Variants in ATF7IP2 observed in about 807,000 individuals in gnomAD.
ATF7IP2 encodes the protein activating transcription factor 7 interacting protein 2.
Under a neutral mutation model 64.2 loss-of-function variants are expected in ATF7IP2, and 42 were observed. That is an observed-to-expected ratio of 0.65 (90% CI 0.51 to 0.85). The LOEUF (loss-of-function observed/expected upper bound fraction) is 0.85, where lower values mean the gene tolerates loss of function less well. Ranked by LOEUF, ATF7IP2 falls within the 40% of genes least tolerant of loss-of-function variation. ATF7IP2 has a pLI of 0.00. For missense variants in ATF7IP2, 933 were observed against 784.2 expected, an observed-to-expected ratio of 1.19 and a Z score of -2.27; for synonymous variants, 308 against 272.8, an observed-to-expected ratio of 1.13 and a Z score of -1.27.
chr16:10,442,317 C>T lies in ATF7IP2; in HGVS notation c.1194+1855C>T, dbSNP rs576064218. Among the ~76,000 whole-genome samples, 3 of 152,328 alleles carry T rather than the reference C, an allele frequency of 2.0e-5. No homozygotes were observed. In the South Asian group the frequency reaches 6.2e-4, roughly 32 times the overall value. The stretch of plus-strand genomic sequence containing the variant: ...TCTTGAATTTATACACTTTATTCTT[C>T]AAACTTATCTAACATGTCTTGACTT... On this transcript the variant is annotated intron_variant, in intron 8 of 13. Transcript: ENST00000562102.
At chr16:10,396,148 A>G (rs2047415245) in intron 1 of ATF7IP2, among the ~76,000 whole-genome samples, 1 of 152,200 alleles carries the variant, frequency 6.6e-6, no homozygotes, top group Non-Finnish European at 1.5e-5. Flanking sequence ...TGAGGAAAGC[A>G]TATATAATAG....
In ATF7IP2 at chr16:10,475,420, G is replaced by A. The variant is rs555971356; in HGVS notation, c.1549+1431G>A. 5.4e-4 allele frequency among the ~76,000 whole-genome samples: 82 copies of A among 152,194 alleles called. No homozygotes were observed. The South Asian group carries it at 5.6e-3, about 10-fold the overall frequency. Reference sequence around the variant, plus strand: ...TAAAATATCCAAACTGGCTGGGCGCGGTGGCTCACGCCTGTAATCCCAGCA... The same window carrying A: ...TAAAATATCCAAACTGGCTGGGCGCAGTGGCTCACGCCTGTAATCCCAGCA... On this transcript the variant is annotated intron_variant, in intron 12 of 13. Coordinates refer to ENST00000562102, the MANE Select transcript of ATF7IP2 (RefSeq NM_001393719.1).
At chr16:10,437,165 T>G (rs2048448900) in intron 6 of ATF7IP2, among the ~76,000 whole-genome samples, 4 of 152,058 alleles carry the variant, frequency 2.6e-5, no homozygotes, top group Non-Finnish European at 5.9e-5. Flanking sequence ...GAGACTATGT[T>G]GCCTGCCACC....
At position 10,434,787 on chromosome 16, in the gene ATF7IP2, GAAGT is replaced by G. The variant is rs932717813; in HGVS notation, c.960+1143_960+1146del. Among the ~76,000 whole-genome samples, 43 of 151,818 alleles carry G rather than the reference GAAGT, an allele frequency of 2.8e-4. 3 individuals are homozygous for G. ...TTCCAGTAATTAGTAGCTGAAGTGA[GAAGT>G]AAGTTTTTGTTTGTTTGTTTGTTTG... On this transcript the variant is annotated intron_variant, in intron 6 of 13. Transcript: ENST00000562102.
chr16:10,402,901 C>A (rs1241789308), intron 1 of ATF7IP2, among the ~76,000 whole-genome samples: 7 of 80,040 alleles, frequency 8.7e-5, no homozygotes, highest in African/African-American at 5.3e-4. Flanking sequence ...CAGCGAGACC[C>A]TTTCTCAAAA....
intron 8 of ATF7IP2, 168 bp from the exon 9 acceptor site, chr16:10,457,204 C>A (rs2049198979): frequency 3.6e-6 from 2 of 559,550 alleles, no homozygotes; most frequent in Non-Finnish European, 6.2e-6. Flanking sequence ...TTTAAAAATT[C>A]ATTTTGGCAG....
chr16:10,441,866 G>A (rs1309926350), intron 8 of ATF7IP2, among the ~76,000 whole-genome samples: 5 of 152,118 alleles, frequency 3.3e-5, no homozygotes, highest in Admixed American at 3.3e-4. Flanking sequence ...ACAAGAGCTG[G>A]GAGTCACAAA....
chr16:10,388,361 A>C (rs2141722604), intron 1 of ATF7IP2, among the ~76,000 whole-genome samples: 1 of 152,300 alleles, frequency 6.6e-6, no homozygotes, highest in East Asian at 1.9e-4. Flanking sequence ...GATTTTTTTG[A>C]ACTTCTGATT....
Position 10,440,355 on chromosome 16 carries a change from T to C in ATF7IP2, c.1096-9T>C. Reference sequence around the variant, plus strand: ...GCTTAGTATTTATTTTTTTCTCTTTTTCTTCTAGGCAAAAATAGCAAAACT... The same window carrying C: ...GCTTAGTATTTATTTTTTTCTCTTTCTCTTCTAGGCAAAAATAGCAAAACT... On this transcript the variant is annotated splice_polypyrimidine_tract_variant and intron_variant, in intron 7 of 13. Transcript: ENST00000562102. 1 of 1,441,288 alleles carries C rather than the reference T, an allele frequency of 6.9e-7. No individual in the cohort carries two copies. The highest frequency in any genetic ancestry group is 1.4e-5 in the African/African-American group (1 of 69,210). The allele number at this position is 1,441,288 out of a possible 1,614,324, so 89.3% of individuals were successfully genotyped here. A position where few individuals can be genotyped will look rare whatever the true frequency, so the allele number is the denominator to read the frequency against.
chr16:10,482,119 C>G lies in ATF7IP2; in HGVS notation c.1919C>G (p.Ala640Gly), dbSNP rs1337392871. 1 of 1,613,970 alleles carries G rather than the reference C, an allele frequency of 6.2e-7. No individual in the cohort carries two copies. Among genetic ancestry groups the G allele is most frequent in the Non-Finnish European group, 8.5e-7 (1 of 1,179,980 alleles). Residue 640 changes from alanine (A) to glycine (G), a missense_variant, in exon 14 of 14, where the codon GCC becomes GGC. Ala to Gly is a moderately conservative substitution (Grantham distance 60). Coordinates refer to ENST00000562102, the MANE Select transcript of ATF7IP2 (RefSeq NM_001393719.1). ...GEIKALPLPM[A>G]CTLSQFLASN... is the part of the protein sequence containing the mutation. Reference sequence around the variant, plus strand: ...ATTAAAGCTTTACCACTCCCCATGGCCTGTACTTTATCTCAGTTTTTAGCT... The same window carrying G: ...ATTAAAGCTTTACCACTCCCCATGGGCTGTACTTTATCTCAGTTTTTAGCT...
At chr16:10,401,127 C>A (rs2047524998) in intron 1 of ATF7IP2, among the ~76,000 whole-genome samples, 1 of 152,162 alleles carries the variant, frequency 6.6e-6, no homozygotes, top group South Asian at 2.1e-4. Flanking sequence ...ACCATCCTTG[C>A]ATCCTTGGTA....
At chr16:10,474,053 C>T in intron 12 of ATF7IP2, 64 bp downstream of exon 12, 4 of 1,061,122 alleles carry the variant, frequency 3.8e-6, no homozygotes, top group South Asian at 2.7e-5. Flanking sequence ...TCATAATGCA[C>T]TGGGTCTACT....
At chr16:10,451,530 T>C (rs2048983917) in intron 8 of ATF7IP2, among the ~76,000 whole-genome samples, 3 of 152,224 alleles carry the variant, frequency 2.0e-5, no homozygotes, top group Admixed American at 2.0e-4. Flanking sequence ...AAAAATTCTT[T>C]TTTCTCTAAT....
intron 1 of ATF7IP2, among the ~76,000 whole-genome samples, chr16:10,408,732 G>A (rs1260498579): frequency 6.6e-6 from 1 of 152,164 alleles, no homozygotes; most frequent in East Asian, 1.9e-4. Context: ...GTAGACTCTA[G>A]ATATTAGTCA....
At chr16:10,386,238 A>T (rs1392689529) in intron 1 of ATF7IP2, 116 bp downstream of exon 1, 1 of 152,144 alleles carries the variant, frequency 6.6e-6, no homozygotes, top group Non-Finnish European at 1.5e-5. Flanking sequence ...CGCCGGGCCT[A>T]CCGGACGTTT....
intron 9 of ATF7IP2, among the ~76,000 whole-genome samples, chr16:10,457,970 C>T (rs1194582833): frequency 6.6e-6 from 1 of 152,208 alleles, no homozygotes; most frequent in Admixed American, 6.5e-5. Flanking sequence ...CCTCGGCCTC[C>T]CAGAGTGCTG....
chr16:10,388,274 AT>A (rs1447838077), intron 1 of ATF7IP2, among the ~76,000 whole-genome samples: 8 of 152,152 alleles, frequency 5.3e-5, no homozygotes, highest in Non-Finnish European at 1.0e-4. Context: ...TTTACCAACG[AT>A]GGGACAGATT....
intron 1 of ATF7IP2, among the ~76,000 whole-genome samples, chr16:10,412,863 T>C (rs549979993): frequency 3.9e-5 from 6 of 152,340 alleles, no homozygotes; most frequent in African/African-American, 1.2e-4. Context: ...CTTATATATT[T>C]AGGATTGTGA....
intron 2 of ATF7IP2, among the ~76,000 whole-genome samples, chr16:10,417,996 A>G (rs1417355870): frequency 6.6e-6 from 1 of 152,192 alleles, no homozygotes; most frequent in Non-Finnish European, 1.5e-5. Context: ...GGAATTAAAG[A>G]CACACACACA....
Sources: gnomAD v4.1 joint callset for allele counts (sites outside exome capture counted in the v4.1 genomes callset) on GRCh38, gnomAD v4.1.1 for gene constraint, MANE v1.5 for transcripts, NCBI Gene and HGNC (gene_info 2026-07-23, HGNC 2026-07-21) for gene names.